TBL1X: variants seen among roughly 807,000 people sequenced by gnomAD.
TBL1X encodes F-box-like/WD repeat-containing protein TBL1X.
TBL1X carries 10 observed loss-of-function variants against 50.7 expected under a neutral mutation model. The ratio of observed to expected loss-of-function variants is 0.20; its 90% CI spans 0.12 to 0.33. The LOEUF (loss-of-function observed/expected upper bound fraction) is 0.33. Among genes scored for constraint, TBL1X ranks in the 10% least tolerant of loss-of-function variants. The pLI, the probability that TBL1X is intolerant of heterozygous loss-of-function variation, is 1.00. For synonymous variants in TBL1X, 190 were observed against 214.7 expected, an observed-to-expected ratio of 0.88 and a Z score of 1.01; for missense variants, 340 against 504.4, an observed-to-expected ratio of 0.67 and a Z score of 3.12.
chrX:9,535,620 G>A (rs2082184108), intron 2 of TBL1X, among the ~76,000 whole-genome samples: 1 of 112,135 alleles, frequency 8.9e-6, no homozygotes, highest in South Asian at 3.7e-4. Flanking sequence ...AAATAACCTT[G>A]CACTCTTTAA....
chrX:9,688,426 T>C, intron 7 of TBL1X, 151 bp downstream of exon 7: 1 of 515,286 alleles, frequency 1.9e-6, no homozygotes, highest in Non-Finnish European at 3.0e-6. Context: ...CCGGAAGAAC[T>C]TCCCGTTCCA....
chrX:9,543,467 C>A (rs1360968270), intron 2 of TBL1X, among the ~76,000 whole-genome samples: 2 of 110,042 alleles, frequency 1.8e-5, no homozygotes, highest in East Asian at 5.7e-4. Context: ...CCTCCTTCTC[C>A]CTCCTCCCCC....
At chrX:9,614,560 C>G (rs1289992918) in intron 2 of TBL1X, among the ~76,000 whole-genome samples, 1 of 111,262 alleles carries the variant, frequency 9.0e-6, no homozygotes, top group Non-Finnish European at 1.9e-5. Context: ...GACCTTGTCT[C>G]AAGAAAACAA....
intron 13 of TBL1X, among the ~76,000 whole-genome samples, 165 bp from the exon 14 acceptor site, chrX:9,709,083 G>A (rs906479150): frequency 1.8e-5 from 2 of 111,483 alleles, no homozygotes; most frequent in Admixed American, 1.9e-4. Flanking sequence ...GGCAAAGTGA[G>A]AAAAAGAGGA....
intron 6 of TBL1X, among the ~76,000 whole-genome samples, chrX:9,685,184 A>G (rs1007903561): frequency 5.4e-5 from 6 of 110,795 alleles, no homozygotes; most frequent in Admixed American, 9.5e-5. Context: ...CACACACCTC[A>G]CCCTCTCTTG....
At chrX:9,650,467 T>G (rs1275547435) in intron 3 of TBL1X, among the ~76,000 whole-genome samples, 1 of 112,249 alleles carries the variant, frequency 8.9e-6, no homozygotes, top group Non-Finnish European at 1.9e-5. Context: ...TGCCTCAGTT[T>G]CCTCATCTGT....
At chrX:9,606,491 T>C (rs2106637) in intron 2 of TBL1X, among the ~76,000 whole-genome samples, 53,594 of 109,517 alleles carry the variant, frequency 0.49, 10,869 homozygotes, top group African/African-American at 0.77. Flanking sequence ...GCAGCCTGGG[T>C]GACACAGTGA....
At position 9,538,838 on chromosome X, in the gene TBL1X, C is replaced by T. The variant is rs1406942374; in HGVS notation, c.-131+36989C>T. Among the ~76,000 whole-genome samples, 12 of 112,799 alleles carry T rather than the reference C, an allele frequency of 1.1e-4. No individual in the cohort carries two copies. The Admixed American group carries it at 1.1e-3, about 11-fold the overall frequency. On this transcript the variant is annotated intron_variant, in intron 2 of 17. Transcript: ENST00000645353. ...AGGCAGCTGGGGAAAGGTTGCATGG[C>T]CCAGTGCCAGGGTGCCAGAGTGCGT...
In TBL1X at chrX:9,718,527, G is replaced by GA. The variant is rs2083292019; in HGVS notation, c.*2283dup. 8.9e-6 allele frequency: 1 copy of GA among 111,764 alleles called. No individual in the cohort carries two copies. Among genetic ancestry groups the GA allele is most frequent in the African/African-American group, 3.3e-5 (1 of 30,733 alleles). 9.2% of individuals were successfully genotyped at this position (111,764 alleles called of 1,213,427 possible). On this transcript the variant is annotated 3_prime_UTR_variant, in exon 18 of 18. Coordinates refer to ENST00000645353, the MANE Select transcript of TBL1X (RefSeq NM_005647.4). ...TGATTTCCCGTCCCAAGGACTCTGT[G>GA]AAGTTTAGAGTACAGTTTGTTGGGG...
chrX:9,495,153 A>G (rs751796100), intron 1 of TBL1X, among the ~76,000 whole-genome samples: 2 of 111,276 alleles, frequency 1.8e-5, no homozygotes, highest in South Asian at 7.5e-4. Flanking sequence ...TTCCGTTCAC[A>G]GCTGCCCTCG....
intron 5 of TBL1X, among the ~76,000 whole-genome samples, chrX:9,663,250 C>T (rs568784286): frequency 9.0e-5 from 10 of 111,596 alleles, no homozygotes; most frequent in South Asian, 3.7e-4. Context: ...TGACAAAATC[C>T]AGTTATTTAA....
chrX:9,614,748 A>G (rs2082631359), intron 2 of TBL1X, among the ~76,000 whole-genome samples: 1 of 111,444 alleles, frequency 9.0e-6, no homozygotes, highest in Admixed American at 9.6e-5. Flanking sequence ...CACCATGACT[A>G]TAGAAACTAG....
intron 16 of TBL1X, 67 bp from the exon 17 acceptor site, chrX:9,714,835 A>T: frequency 9.6e-7 from 1 of 1,036,366 alleles, no homozygotes; most frequent in African/African-American, 1.8e-5. Context: ...GGAGGAGCGC[A>T]CATTCCACAC....
intron 2 of TBL1X, among the ~76,000 whole-genome samples, chrX:9,603,563 CAT>C (rs1225929309): frequency 1.6e-4 from 18 of 111,846 alleles, no homozygotes; most frequent in African/African-American, 5.8e-4. Flanking sequence ...GCTTGGTAAC[CAT>C]CTGGAGGGGA....
intron 2 of TBL1X, among the ~76,000 whole-genome samples, chrX:9,523,166 C>G (rs2082114528): frequency 8.9e-6 from 1 of 112,007 alleles, no homozygotes; most frequent in African/African-American, 3.2e-5. Flanking sequence ...TTTAGCTTTT[C>G]TCCCTCGTTG....
chrX:9,627,177 A>T (rs1224466894), intron 2 of TBL1X, among the ~76,000 whole-genome samples: 1 of 111,737 alleles, frequency 8.9e-6, no homozygotes, highest in Admixed American at 9.5e-5. Flanking sequence ...CGAAAAGTTA[A>T]CTGAATTGCA....
intron 2 of TBL1X, among the ~76,000 whole-genome samples, chrX:9,582,959 T>C (rs2082450073): frequency 8.9e-6 from 1 of 112,766 alleles, no homozygotes; most frequent in Admixed American, 9.3e-5. Flanking sequence ...ATCTCAGACA[T>C]CATGTGATTT....
In TBL1X at chrX:9,687,104, C is replaced by T. The variant is rs527712425; in HGVS notation, c.358-913C>T. ...TGCACATCCAGATACAACCCCAAGG[C>T]TTACTGAGGTTCACCTGATTCGAAT... is the stretch of plus-strand genomic sequence containing the variant. On this transcript the variant is annotated intron_variant, in intron 6 of 17. Coordinates refer to ENST00000645353, the MANE Select transcript of TBL1X (RefSeq NM_005647.4). 1.5e-4 allele frequency among the ~76,000 whole-genome samples: 17 copies of T among 112,434 alleles called. No homozygotes were observed. In the South Asian group the frequency reaches 6.3e-3, roughly 42 times the overall value.
intron 2 of TBL1X, among the ~76,000 whole-genome samples, chrX:9,618,653 C>T (rs890706662): frequency 2.7e-5 from 3 of 111,472 alleles, no homozygotes; most frequent in African/African-American, 3.3e-5. Flanking sequence ...CACTCCAGCC[C>T]GGACGACAGA....
Sources: gnomAD v4.1 joint callset for allele counts (sites outside exome capture counted in the v4.1 genomes callset) on GRCh38, gnomAD v4.1.1 for gene constraint, MANE v1.5 for transcripts, NCBI Gene and HGNC (gene_info 2026-07-23, HGNC 2026-07-21) for gene names.